The following CHD5 variants were observed in gnomAD, a reference collection of about 807,000 sequenced individuals.
CHD5 encodes chromodomain helicase DNA binding protein 5.
CHD5 carries 69 observed loss-of-function variants against 230.3 expected under a neutral mutation model. The ratio of observed to expected loss-of-function variants is 0.30; its 90% CI spans 0.25 to 0.37. The LOEUF (loss-of-function observed/expected upper bound fraction) is 0.37, where lower values mean the gene tolerates loss of function less well. Among genes scored for constraint, CHD5 ranks in the 10% least tolerant of loss-of-function variants. The pLI is 1.00. For missense variants in CHD5, 1,827 were observed against 2,622.8 expected (o/e 0.70, Z 6.63); for synonymous variants, 1,064 against 1,065.9 (o/e 1.00, Z 0.03).
At position 6,125,992 on chromosome 1, in the gene CHD5, A is replaced by G; in HGVS notation, c.4079-134T>C. ...AAAAAGCAGTGACAATGGCCCACAT[A>G]CTTCCTGTGGGCTCATTTAGTAATC... On this transcript the variant is annotated intron_variant, in intron 26 of 41. Coordinates refer to ENST00000262450, the MANE Select transcript of CHD5 (RefSeq NM_015557.3). This position sits in a 1 kb window ranked among gnomAD's most constrained non-coding sequence, Gnocchi z 6.7. The G allele has an allele frequency of 1.5e-6, 1 of 676,348 alleles. No homozygotes were observed. Among genetic ancestry groups the G allele is most frequent in the Non-Finnish European group, 2.6e-6 (1 of 379,526 alleles). The allele number at this position is 676,348 out of a possible 1,614,324, so 41.9% of individuals were successfully genotyped here.
At chr1:6,119,710 CGT>C (rs1409223802) in intron 33 of CHD5, among the ~76,000 whole-genome samples, 1 of 150,746 alleles carries the variant, frequency 6.6e-6, no homozygotes, top group South Asian at 2.1e-4. Context: ...TATATATATA[CGT>C]GTGTGTATAT....
chr1:6,175,344 G>A (rs1220850319), intron 1 of CHD5, among the ~76,000 whole-genome samples: 1 of 151,124 alleles, frequency 6.6e-6, no homozygotes, highest in Admixed American at 6.6e-5. Context: ...TGGATGAATG[G>A]ATGAGTGGAT....
Position 6,105,416 on chromosome 1 carries a change from C to T in CHD5, c.*58G>A, listed in dbSNP as rs1281182874. ...TCCCATGTGGGTCGGGCAGGTGGCC[C>T]GGCAGGCGTGGCTGCAAAACGCAAA... is the stretch of plus-strand genomic sequence containing the variant. On this transcript the variant is annotated 3_prime_UTR_variant, in exon 42 of 42. Coordinates refer to ENST00000262450, the MANE Select transcript of CHD5 (RefSeq NM_015557.3). This position sits in a 1 kb window ranked among gnomAD's most constrained non-coding sequence, Gnocchi z 4.8. 4 of 470,612 alleles carry T rather than the reference C, an allele frequency of 8.5e-6. No homozygotes were observed. The highest frequency in any genetic ancestry group is 6.2e-5 in the South Asian group (4 of 64,544). The allele number at this position is 470,612 out of a possible 1,614,324, so 29.2% of individuals were successfully genotyped here.
chr1:6,172,543 C>A (rs990064334), intron 1 of CHD5, among the ~76,000 whole-genome samples: 2 of 151,982 alleles, frequency 1.3e-5, no homozygotes, highest in African/African-American at 4.8e-5. Context: ...GCTCAAAGGA[C>A]CTCATTATTT....
At chr1:6,173,196 C>T (rs1389621650) in intron 1 of CHD5, among the ~76,000 whole-genome samples, 1 of 151,692 alleles carries the variant, frequency 6.6e-6, no homozygotes, top group Non-Finnish European at 1.5e-5. Context: ...GCTCCGCCTC[C>T]CAGGTTCACG....
Position 6,126,342 on chromosome 1 carries a change from G to A in CHD5, c.4078+230C>T, listed in dbSNP as rs902839245. 6.7e-6 allele frequency among the ~76,000 whole-genome samples: 1 copy of A among 148,634 alleles called. No individual in the cohort carries two copies. The highest frequency in any genetic ancestry group is 2.5e-5 in the African/African-American group (1 of 39,914). On this transcript the variant is annotated intron_variant, in intron 26 of 41. Transcript: ENST00000262450. This position sits in a 1 kb window ranked among gnomAD's most constrained non-coding sequence, Gnocchi z 5.7. ...GACACCCATCCCTCCTGGCACACTC[G>A]CCCAGCTCTCCCGGCCCGCACCTCC...
chr1:6,120,329 C>T (rs1321517760), intron 33 of CHD5, among the ~76,000 whole-genome samples: 3 of 152,010 alleles, frequency 2.0e-5, no homozygotes, highest in Non-Finnish European at 2.9e-5. Flanking sequence ...TCAGAAATCA[C>T]TAATAAAAAA....
intron 6 of CHD5, among the ~76,000 whole-genome samples, chr1:6,151,556 G>C (rs1667008076): frequency 6.6e-6 from 1 of 152,250 alleles, no homozygotes; most frequent in Admixed American, 6.5e-5. Flanking sequence ...TGTCCTGTCT[G>C]ACTGGTACAT....
chr1:6,125,045 C>T lies in CHD5; in HGVS notation c.4394+55G>A. 1.4e-6 allele frequency: 2 copies of T among 1,478,610 alleles called. No homozygotes were observed. Among genetic ancestry groups the T allele is most frequent in the Non-Finnish European group, 1.8e-6 (2 of 1,107,188 alleles). The allele number at this position is 1,478,610 out of a possible 1,614,324, so 91.6% of individuals were successfully genotyped here. On this transcript the variant is annotated intron_variant, in intron 29 of 41. Transcript: ENST00000262450. This position sits in a 1 kb window ranked among gnomAD's most constrained non-coding sequence, Gnocchi z 6.7. Reference sequence around the variant, plus strand: ...CTCTGTGGGGCTCACCCGCAGGACCCTGCCCTACTCAGGGGCAGGTGGTCA... The same window carrying T: ...CTCTGTGGGGCTCACCCGCAGGACCTTGCCCTACTCAGGGGCAGGTGGTCA...
chr1:6,144,050 G>T lies in CHD5; in HGVS notation c.1908C>A (p.Asn636Lys). The T allele has an allele frequency of 6.2e-7, 1 of 1,614,182 alleles. No homozygotes were observed. The highest frequency in any genetic ancestry group is 8.5e-7 in the Non-Finnish European group (1 of 1,180,050). ...TGTGGCCCCAGTAGGCCTGCTTGAG[G>T]TTGTCGTAGTAGGGGATGTCGATGT... The part of the protein sequence containing the change: ...IDDIDIPYYD[N>K]LKQAYWGHRE... Residue 636 changes from asparagine (N) to lysine (K), a missense_variant, in exon 12 of 42, where the codon AAC becomes AAA. Transcript: ENST00000262450.
intron 31 of CHD5, 107 bp downstream of exon 31, chr1:6,123,841 G>T: frequency 1.4e-6 from 1 of 724,686 alleles, no homozygotes; most frequent in Non-Finnish European, 2.1e-6. Flanking sequence ...GGCTTTGGGG[G>T]AAGGAGAGGC....
chr1:6,157,608 G>A (rs1461311428), intron 3 of CHD5, among the ~76,000 whole-genome samples: 2 of 152,182 alleles, frequency 1.3e-5, no homozygotes, highest in African/African-American at 4.8e-5. Context: ...GCCCATCCAG[G>A]CTGCGGGAGG....
At position 6,104,579 on chromosome 1, in the gene CHD5, A is replaced by T. The variant is rs1666129028; in HGVS notation, c.*895T>A. On this transcript the variant is annotated 3_prime_UTR_variant, in exon 42 of 42. Coordinates refer to ENST00000262450, the MANE Select transcript of CHD5 (RefSeq NM_015557.3). ...TGCCCTTAACCACACCTCTGGCAGA[A>T]GGCAAACCCAACGCAGCAGTGGCTC... 1 of 152,296 alleles carries T rather than the reference A, an allele frequency of 6.6e-6. No individual in the cohort carries two copies. The highest frequency in any genetic ancestry group is 2.1e-4 in the South Asian group (1 of 4,820). The allele number at this position is 152,296 out of a possible 1,614,324, so 9.4% of individuals were successfully genotyped here.
rs563112468 is a variant in CHD5 at position 6,129,475 on chromosome 1, C to T, written c.3388-406G>A. ...ACCACAAGACCATGTGCTGGAGACACGCAGCCACCTTCTGAGGGCAGCAAG... is the reference window on the plus strand; with the variant it reads ...ACCACAAGACCATGTGCTGGAGACATGCAGCCACCTTCTGAGGGCAGCAAG... On this transcript the variant is annotated intron_variant, in intron 22 of 41. Transcript: ENST00000262450. This position sits in a 1 kb window ranked among gnomAD's most constrained non-coding sequence, Gnocchi z 6.8. Among the ~76,000 whole-genome samples, 4 of 152,132 alleles carry T rather than the reference C, an allele frequency of 2.6e-5. No individual in the cohort carries two copies. Among genetic ancestry groups the T allele is most frequent in the South Asian group, 2.1e-4 (1 of 4,822 alleles).
chr1:6,179,996 C>A lies in CHD5; in HGVS notation c.28G>T (p.Glu10Ter). Reference protein sequence around the residue: MRGPVGTEEELPRLFAEEME... With the variant: MRGPVGTEE ...TCCTCGGCGAACAGCCGCGGCAGCT[C>A]CTCCTCGGTGCCCACTGGGCCCCGC... The change falls in exon 1 of 42, where the codon GAG (glutamate) becomes TAG (stop). Residue 10 changes from glutamate to a stop codon, truncating the protein, a stop_gained. Transcript: ENST00000262450. LOFTEE classifies it high-confidence loss of function. 7.2e-7 allele frequency: 1 copy of A among 1,388,718 alleles called. No individual in the cohort carries two copies. Among genetic ancestry groups the A allele is most frequent in the South Asian group, 1.3e-5 (1 of 74,764 alleles). The allele number at this position is 1,388,718 out of a possible 1,614,324, so 86.0% of individuals were successfully genotyped here. A position where few individuals can be genotyped will look rare whatever the true frequency, so the allele number is the denominator to read the frequency against.
intron 3 of CHD5, among the ~76,000 whole-genome samples, chr1:6,158,899 T>C (rs1362401733): frequency 7.1e-6 from 1 of 141,094 alleles, no homozygotes; most frequent in Non-Finnish European, 1.5e-5. Flanking sequence ...CCCAGCTACT[T>C]GGGAGGCTGA....
chr1:6,145,730 C>G (rs35936630), intron 11 of CHD5, among the ~76,000 whole-genome samples: 21,981 of 152,232 alleles, frequency 0.14, 1,858 homozygotes, highest in East Asian at 0.4. Flanking sequence ...CCCAGCTCCA[C>G]CCCGTGGCTG....
rs1480240794 is a variant in CHD5, at chr1:6,180,294, G to A, written c.-271C>T. ...AGTCCCGCAGCCGGCCGAGGGTGGC[G>A]GCGGCAGCGCCAGAGGCACGGCGGC... is the stretch of plus-strand genomic sequence containing the variant. On this transcript the variant is annotated 5_prime_UTR_variant, in exon 1 of 42. Coordinates refer to ENST00000262450, the MANE Select transcript of CHD5 (RefSeq NM_015557.3). Among the ~76,000 whole-genome samples, 3 of 151,440 alleles carry A rather than the reference G, an allele frequency of 2.0e-5. No homozygotes were observed. In the East Asian group the frequency reaches 5.9e-4, roughly 30 times the overall value.
chr1:6,121,168 C>G lies in CHD5; in HGVS notation c.4849G>C (p.Ala1617Pro). The stretch of plus-strand genomic sequence containing the variant: ...GTCTCCTCTGGCCGCTCCTCTCGGG[C>G]TCTCTCCTTGCTGGCTGGGCTCTCG... ...KHESPASKER[A>P]REERPEETEK... Residue 1617 changes from alanine to proline, a missense_variant, in exon 33 of 42, where the codon GCC becomes CCC. Around this residue, in one of 14 missense-constraint regions of CHD5, gnomAD observed 272 missense variants for 263.2 expected, o/e 1.03. Coordinates refer to ENST00000262450, the MANE Select transcript of CHD5 (RefSeq NM_015557.3). This position sits in a 1 kb window ranked among gnomAD's most constrained non-coding sequence, Gnocchi z 4.5. 6.2e-7 allele frequency: 1 copy of G among 1,614,118 alleles called. No homozygotes were observed. The highest frequency in any genetic ancestry group is 1.7e-4 in the Middle Eastern group (1 of 6,058).
Sources: allele counts gnomAD v4.1 joint callset (sites outside exome capture counted in the v4.1 genomes callset), GRCh38; gene constraint gnomAD v4.1.1; regional missense constraint gnomAD v4.1.1; non-coding constraint Gnocchi (gnomAD v3.1); transcripts MANE v1.5; gene names NCBI Gene and HGNC (gene_info 2026-07-23, HGNC 2026-07-21).